SCN11A: variants seen among roughly 807,000 people sequenced by gnomAD.
SCN11A encodes the protein sodium voltage-gated channel alpha subunit 11.
A neutral mutation model predicts 162.2 loss-of-function variants in SCN11A; 122 were observed. That is an observed-to-expected ratio of 0.75 (90% CI 0.65 to 0.87). The LOEUF is 0.87. Ranked by LOEUF, SCN11A falls within the 40% of genes least tolerant of loss-of-function variation. The pLI is 0.00. For missense variants in SCN11A, 2,015 were observed against 2,181.6 expected, an observed-to-expected ratio of 0.92 and a Z score of 1.52; for synonymous variants, 758 against 751.5, an observed-to-expected ratio of 1.01 and a Z score of -0.14.
At position 38,896,097 on chromosome 3, in the gene SCN11A, C is replaced by T. The variant is rs534330343; in HGVS notation, c.2403+748G>A. ...AAAATCTGTAGCATAACAAGAAGTTCGAAAATAGAACAGCAGGCCAATTAT... is the reference window on the plus strand; with the variant it reads ...AAAATCTGTAGCATAACAAGAAGTTTGAAAATAGAACAGCAGGCCAATTAT... On this transcript the variant is annotated intron_variant, in intron 18 of 29. Transcript: ENST00000302328. 3.9e-5 allele frequency among the ~76,000 whole-genome samples: 6 copies of T among 152,224 alleles called. No individual in the cohort carries two copies. The South Asian group carries it at 8.3e-4, about 21-fold the overall frequency.
At chr3:38,919,837 A>T in intron 11 of SCN11A, 98 bp downstream of exon 11, 1 of 821,584 alleles carries the variant, frequency 1.2e-6, no homozygotes, top group South Asian at 1.5e-5. Context: ...GAGAACTATC[A>T]TCACTGTGTC....
chr3:38,909,213 G>T lies in SCN11A; in HGVS notation c.1102-19C>A. 1 of 1,611,678 alleles carries T rather than the reference G, an allele frequency of 6.2e-7. No individual in the cohort carries two copies. The highest frequency in any genetic ancestry group is 8.5e-7 in the Non-Finnish European group (1 of 1,178,146). ...GCAGGGTCTGCAAAGGACAGAGCAT[G>T]TTCTTGAATATCAAACCTTCTTCCA... On this transcript the variant is annotated intron_variant, in intron 12 of 29. Coordinates refer to ENST00000302328, the MANE Select transcript of SCN11A (RefSeq NM_001349253.2).
At chr3:38,907,150 T>G (rs948585193) in intron 14 of SCN11A, among the ~76,000 whole-genome samples, 1 of 151,908 alleles carries the variant, frequency 6.6e-6, no homozygotes, top group African/African-American at 2.4e-5. Flanking sequence ...CTGTTGGTTT[T>G]CCCACCCATA....
At chr3:39,017,798 A>T (rs949573303) in intron 2 of SCN11A, among the ~76,000 whole-genome samples, 4 of 152,204 alleles carry the variant, frequency 2.6e-5, no homozygotes, top group African/African-American at 9.7e-5. Context: ...TACTAATTAT[A>T]ATACCTATGG....
At chr3:38,945,063 TA>T (rs2066496276) in intron 7 of SCN11A, among the ~76,000 whole-genome samples, 1 of 152,184 alleles carries the variant, frequency 6.6e-6, no homozygotes, top group Non-Finnish European at 1.5e-5. Context: ...AGTAAATACA[TA>T]AATACAGCTT....
chr3:38,923,714 G>A (rs2125550891), intron 9 of SCN11A, among the ~76,000 whole-genome samples: 1 of 152,238 alleles, frequency 6.6e-6, no homozygotes, highest in East Asian at 1.9e-4. Context: ...TCTTGTGTCA[G>A]TTTGGGTTTT....
intron 11 of SCN11A, among the ~76,000 whole-genome samples, chr3:38,916,349 C>T (rs1469571315): frequency 1.3e-5 from 2 of 152,104 alleles, no homozygotes; most frequent in African/African-American, 4.8e-5. Flanking sequence ...GTCTCCTAAA[C>T]GTCTCTGGAA....
rs866085760 is a variant in SCN11A at position 38,908,052 on chromosome 3, T to A, written c.1370A>T (p.Lys457Met). The A allele has an allele frequency of 6.2e-7, 1 of 1,613,328 alleles. No homozygotes were observed. The highest frequency in any genetic ancestry group is 1.7e-5 in the Admixed American group (1 of 59,940). ...SLETSYFTPKKRKLFGNKKRK... is the reference protein window; with the variant it reads ...SLETSYFTPKMRKLFGNKKRK... ...TTTCTTATTACCAAAGAGCTTTCTCTTTTTTGGGGTAAAATATGATGTTTC... is the reference window on the plus strand; with the variant it reads ...TTTCTTATTACCAAAGAGCTTTCTCATTTTTGGGGTAAAATATGATGTTTC... Residue 457 changes from lysine to methionine, a missense_variant, in exon 14 of 30, where the codon AAG (lysine) becomes ATG (methionine). Physicochemically the swap from Lys to Met is moderately conservative, Grantham distance 95 (BLOSUM62 -1). Transcript: ENST00000302328.
intron 19 of SCN11A, among the ~76,000 whole-genome samples, chr3:38,889,306 TC>T (rs1353709004): frequency 1.3e-5 from 2 of 151,794 alleles, no homozygotes; most frequent in African/African-American, 4.8e-5. Flanking sequence ...ACACCTGTAA[TC>T]CCAGCTACTT....
intron 9 of SCN11A, among the ~76,000 whole-genome samples, chr3:38,923,944 C>T (rs1378299639): frequency 6.6e-6 from 1 of 152,162 alleles, no homozygotes; most frequent in Non-Finnish European, 1.5e-5. Context: ...TGGAGAGTCC[C>T]TGAGCCAAAG....
At chr3:38,886,062 C>G (rs922726709) in intron 20 of SCN11A, 63 bp downstream of exon 20, 1 of 1,040,634 alleles carries the variant, frequency 9.6e-7, no homozygotes, top group Admixed American at 2.0e-5. Context: ...TCCATAATAA[C>G]TATCCTGGAG....
Position 38,902,540 on chromosome 3 carries a change from TG to T in SCN11A, c.1842+1324del, listed in dbSNP as rs201685821. 8.8e-3 allele frequency among the ~76,000 whole-genome samples: 1,318 copies of T among 150,214 alleles called. 9 individuals carry two copies. Among genetic ancestry groups the T allele is most frequent in the Non-Finnish European group, 0.015 (1,019 of 67,480 alleles). ...GTGGGTTCTTTTTTTTTTTTTGAGA[TG>T]GAGTCTCACTTTGTCACCCAGGCTG... On this transcript the variant is annotated intron_variant, in intron 16 of 29. Coordinates refer to ENST00000302328, the MANE Select transcript of SCN11A (RefSeq NM_001349253.2).
chr3:38,867,686 T>C (rs1425465493), intron 26 of SCN11A, among the ~76,000 whole-genome samples: 2 of 152,098 alleles, frequency 1.3e-5, no homozygotes, highest in Non-Finnish European at 2.9e-5. Flanking sequence ...TCGGGCTTTT[T>C]ATTCTAAGCA....
intron 2 of SCN11A, among the ~76,000 whole-genome samples, chr3:39,018,061 T>C (rs535913143): frequency 4.1e-4 from 62 of 152,362 alleles, no homozygotes; most frequent in Non-Finnish European, 6.9e-4. Flanking sequence ...CAGCATTCAT[T>C]TGGGGGCTAA....
intron 2 of SCN11A, among the ~76,000 whole-genome samples, chr3:38,985,063 AG>A (rs1300357067): frequency 6.7e-6 from 1 of 150,238 alleles, no homozygotes; most frequent in Non-Finnish European, 1.5e-5. Context: ...TGAAAGCCAC[AG>A]GAGGGCTTAA....
intron 16 of SCN11A, 34 bp from the exon 17 acceptor site, chr3:38,900,107 G>C: frequency 3.2e-4 from 475 of 1,503,536 alleles, no homozygotes; most frequent in Non-Finnish European, 4.0e-4. Context: ...AGAGAAGGAA[G>C]CTGCGGAGAT....
intron 2 of SCN11A, among the ~76,000 whole-genome samples, chr3:38,994,266 G>A (rs758853698): frequency 4.9e-4 from 75 of 152,274 alleles, no homozygotes; most frequent in Non-Finnish European, 8.4e-4. Flanking sequence ...ATGGCAGAAC[G>A]ATGGACCAGC....
chr3:38,998,785 T>C (rs1284550916), intron 2 of SCN11A, among the ~76,000 whole-genome samples: 1 of 151,660 alleles, frequency 6.6e-6, no homozygotes, highest in Non-Finnish European at 1.5e-5. Flanking sequence ...GAAACCATCA[T>C]TCTCAGCAAA....
rs144504724 is a variant in SCN11A, at chr3:38,945,348, T to C, written c.488+63A>G. ...TTTTTCTTTCTCTCCAGTGTAATCA[T>C]TAACTGTCTTAGGTATATTTGTTTA... On this transcript the variant is annotated intron_variant, in intron 7 of 29. Coordinates refer to ENST00000302328, the MANE Select transcript of SCN11A (RefSeq NM_001349253.2). 2.5e-5 allele frequency: 26 copies of C among 1,024,246 alleles called. No individual in the cohort carries two copies. In the African/African-American group the frequency reaches 3.2e-4, roughly 12 times the overall value. The allele number at this position is 1,024,246 out of a possible 1,614,324, so 63.4% of individuals were successfully genotyped here.
Sources: allele counts gnomAD v4.1 joint callset (sites outside exome capture counted in the v4.1 genomes callset), GRCh38; gene constraint gnomAD v4.1.1; transcripts MANE v1.5; gene names NCBI Gene and HGNC (gene_info 2026-07-23, HGNC 2026-07-21).